DST: variants seen among roughly 807,000 people sequenced by gnomAD.
The protein encoded by DST is dystonin, also known as bullous pemphigoid antigen.
DST carries 253 observed loss-of-function variants against 875.2 expected under a neutral mutation model. The ratio of observed to expected loss-of-function variants is 0.29; its 90% CI spans 0.26 to 0.32. The LOEUF is 0.32. Among genes scored for constraint, DST ranks in the 10% least tolerant of loss-of-function variants. The probability of loss-of-function intolerance (pLI) is 1.00; values close to 1 mark genes in which losing one functional copy is unlikely to be tolerated. For synonymous variants in DST, 3,124 were observed against 3,197.1 expected (o/e 0.98, Z 0.77); for missense variants, 8,287 against 9,111.6 (o/e 0.91, Z 3.68).
At chr6:56,475,622 T>G (rs929736338) in intron 92 of DST, among the ~76,000 whole-genome samples, 1 of 152,156 alleles carries the variant, frequency 6.6e-6, no homozygotes, top group African/African-American at 2.4e-5. Flanking sequence ...CACGTTCCCT[T>G]TTTCATATGA....
At chr6:56,568,325 G>T in intron 55 of DST, 144 bp downstream of exon 55, 1 of 786,974 alleles carries the variant, frequency 1.3e-6, no homozygotes, top group Non-Finnish European at 2.0e-6. Flanking sequence ...AGCACAGTGT[G>T]CTTACAGATG....
chr6:56,527,786 G>A, intron 67 of DST, 52 bp from the exon 68 acceptor site: 1 of 1,539,946 alleles, frequency 6.5e-7, no homozygotes, highest in East Asian at 2.3e-5. Flanking sequence ...AAGGCAGGGA[G>A]AGGGTTTCTT....
chr6:56,721,458 T>C (rs35089136), intron 5 of DST, among the ~76,000 whole-genome samples: 35,901 of 152,096 alleles, frequency 0.24, 5,500 homozygotes, highest in African/African-American at 0.43. Flanking sequence ...TGTTTAGAGA[T>C]TGCAGTAAAG....
intron 4 of DST, among the ~76,000 whole-genome samples, chr6:56,754,689 TA>T (rs924649897): frequency 1.1e-4 from 16 of 152,018 alleles, no homozygotes; most frequent in Non-Finnish European, 7.4e-5. Flanking sequence ...AATCAACTCT[TA>T]AAAAAAATTA....
chr6:56,890,221 C>A (rs1786711820), intron 3 of DST, among the ~76,000 whole-genome samples: 1 of 152,030 alleles, frequency 6.6e-6, no homozygotes, highest in African/African-American at 2.4e-5. Flanking sequence ...TCCAGAGAAT[C>A]GCTGAGAAGA....
chr6:56,719,466 G>A (rs1707399719), intron 5 of DST, among the ~76,000 whole-genome samples: 1 of 152,184 alleles, frequency 6.6e-6, no homozygotes, highest in African/African-American at 2.4e-5. Flanking sequence ...TTAGGAAACA[G>A]ATTAATCTGA....
intron 4 of DST, among the ~76,000 whole-genome samples, chr6:56,824,663 G>A (rs528526432): frequency 7.2e-5 from 11 of 152,070 alleles, no homozygotes; most frequent in East Asian, 1.9e-4. Flanking sequence ...CCGCGACCCC[G>A]TCTGGGAGGT....
chr6:56,722,066 T>C (rs1025990982), intron 5 of DST, among the ~76,000 whole-genome samples: 2 of 149,854 alleles, frequency 1.3e-5, no homozygotes, highest in Non-Finnish European at 3.0e-5. Context: ...TCTTCTTTTG[T>C]TCTCAATTAT....
chr6:56,834,249 G>C (rs1243922694), intron 4 of DST, among the ~76,000 whole-genome samples: 1 of 151,994 alleles, frequency 6.6e-6, no homozygotes, highest in Non-Finnish European at 1.5e-5. Flanking sequence ...CTTAAAAAGC[G>C]GGCAAAAGAT....
chr6:56,594,640 GA>G (rs1321126439), intron 47 of DST, among the ~76,000 whole-genome samples: 1 of 152,142 alleles, frequency 6.6e-6, no homozygotes, highest in Non-Finnish European at 1.5e-5. Flanking sequence ...TAGGGAAAAA[GA>G]ATCTGTAACT....
At chr6:56,500,995 G>A (rs930581887) in intron 80 of DST, 85 bp downstream of exon 80, 25 of 1,306,766 alleles carry the variant, frequency 1.9e-5, no homozygotes, top group Admixed American at 9.5e-5. Flanking sequence ...CTTGAAACAC[G>A]CATAAAGAAG....
chr6:56,668,772 AAATT>A (rs977769379), intron 10 of DST, among the ~76,000 whole-genome samples: 1 of 151,792 alleles, frequency 6.6e-6, no homozygotes, highest in Non-Finnish European at 1.5e-5. Context: ...CCGTCTCAAA[AAATT>A]AATTAATTAA....
At chr6:56,524,708 G>C (rs2096766919) in intron 69 of DST, among the ~76,000 whole-genome samples, 1 of 152,066 alleles carries the variant, frequency 6.6e-6, no homozygotes, top group South Asian at 2.1e-4. Context: ...GAAGATATCA[G>C]TGGCATTAAG....
chr6:56,537,182 A>C (rs1221625180), intron 61 of DST, among the ~76,000 whole-genome samples: 1 of 152,242 alleles, frequency 6.6e-6, no homozygotes, highest in Non-Finnish European at 1.5e-5. Context: ...GAGTACACTT[A>C]AGTTACTTAT....
intron 4 of DST, among the ~76,000 whole-genome samples, chr6:56,794,710 A>T (rs1193728815): frequency 2.6e-5 from 4 of 152,180 alleles, no homozygotes; most frequent in Non-Finnish European, 5.9e-5. Context: ...AGAGTCAAAG[A>T]GACAGGGGCT....
At chr6:56,478,001 C>T (rs1290486616) in intron 90 of DST, among the ~76,000 whole-genome samples, 1 of 152,012 alleles carries the variant, frequency 6.6e-6, no homozygotes, top group Non-Finnish European at 1.5e-5. Context: ...TTTTGAATAT[C>T]TGGATACAGA....
chr6:56,833,959 G>C (rs1395441332), intron 4 of DST, among the ~76,000 whole-genome samples: 5 of 151,662 alleles, frequency 3.3e-5, no homozygotes, highest in African/African-American at 9.7e-5. Flanking sequence ...AGACATGATG[G>C]CTCATACCTG....
Position 56,511,307 on chromosome 6 carries a change from A to C in DST, c.18670T>G (p.Phe6224Val). 6.2e-7 allele frequency: 1 copy of C among 1,606,030 alleles called. No individual in the cohort carries two copies. The highest frequency in any genetic ancestry group is 8.5e-7 in the Non-Finnish European group (1 of 1,175,950). ...GCCACATACTTCTCTTGGATAGAAA[A>C]GCCTTCCCCAGGGCTCAATTCCAGT... ...QLLELSPGEGFSIQEKYVAAD... is the reference protein window; with the variant it reads ...QLLELSPGEGVSIQEKYVAAD... The change falls in exon 73 of 104, where the codon TTT becomes GTT. Residue 6224 changes from phenylalanine to valine, a missense_variant. Around this residue, in one of 10 missense-constraint regions of DST, gnomAD observed 1,292 missense variants for 1,552.7 expected, o/e 0.83. Transcript: ENST00000680361.
Position 56,640,222 on chromosome 6 carries a change from A to G in DST, c.2411T>C (p.Leu804Ser), listed in dbSNP as rs1554549831. ...TTCTTCTGTTAAATTTTGATCCAGC[A>G]AAGAAGACTTTAGAAGGGGTTTTCG... ...QIRKPLLKSS[L>S]LDQNLTEEEI... Residue 804 changes from leucine (L) to serine (S), a missense_variant, in exon 18 of 104, where the codon TTG becomes TCG. Transcript: ENST00000680361. The G allele has an allele frequency of 6.2e-7, 1 of 1,614,204 alleles. No individual in the cohort carries two copies. Among genetic ancestry groups the G allele is most frequent in the Admixed American group, 1.7e-5 (1 of 60,020 alleles).
Sources: allele counts gnomAD v4.1 joint callset (sites outside exome capture counted in the v4.1 genomes callset), GRCh38; gene constraint gnomAD v4.1.1; regional missense constraint gnomAD v4.1.1; transcripts MANE v1.5; gene names NCBI Gene and HGNC (gene_info 2026-07-23, HGNC 2026-07-21).